GRIK2: variants seen among roughly 807,000 people sequenced by gnomAD.
The protein encoded by GRIK2 is glutamate ionotropic receptor kainate type subunit 2, also known as glutamate receptor ionotropic, kainate 2.
A neutral mutation model predicts 100.3 loss-of-function variants in GRIK2; 32 were observed. The observed-to-expected ratio is 0.32, with a 90% CI of 0.24 to 0.43. The LOEUF is 0.43. Ranked by LOEUF, GRIK2 falls within the 20% of genes least tolerant of loss-of-function variation. The probability of loss-of-function intolerance (pLI) is 1.00; values close to 1 mark genes in which losing one functional copy is unlikely to be tolerated. For synonymous variants in GRIK2, 417 were observed against 389.4 expected (o/e 1.07, Z -0.83); for missense variants, 843 against 1,114.9 (o/e 0.76, Z 3.47).
At chr6:101,610,280 A>G (rs563564250) in intron 2 of GRIK2, among the ~76,000 whole-genome samples, 2 of 151,816 alleles carry the variant, frequency 1.3e-5, no homozygotes, top group South Asian at 2.1e-4. Flanking sequence ...ATCAAATTAC[A>G]TATGTAGATT....
chr6:101,899,087 C>CTT (rs1308396421), intron 12 of GRIK2, among the ~76,000 whole-genome samples: 1 of 141,976 alleles, frequency 7.0e-6, no homozygotes, highest in Non-Finnish European at 1.6e-5. Flanking sequence ...AGAGAGGTTT[C>CTT]TTTTTGTTGT....
chr6:101,441,071 G>C (rs537589486), intron 2 of GRIK2, among the ~76,000 whole-genome samples: 27 of 151,190 alleles, frequency 1.8e-4, no homozygotes, highest in Admixed American at 7.2e-4. Context: ...TTGGTCTTCT[G>C]GGCTCAAGTG....
chr6:101,813,213 C>T (rs1176006495), intron 9 of GRIK2, among the ~76,000 whole-genome samples: 1 of 151,816 alleles, frequency 6.6e-6, no homozygotes, highest in African/African-American at 2.4e-5. Context: ...AATGATAATA[C>T]TGAAGACTTT....
At chr6:101,489,667 G>A (rs1289119146) in intron 2 of GRIK2, among the ~76,000 whole-genome samples, 1 of 145,710 alleles carries the variant, frequency 6.9e-6, no homozygotes, top group African/African-American at 2.6e-5. Context: ...GTTTATCCAG[G>A]CAAGTAGTGT....
intron 14 of GRIK2, among the ~76,000 whole-genome samples, chr6:101,996,937 A>G (rs1302639523): frequency 1.3e-5 from 2 of 152,150 alleles, no homozygotes; most frequent in Non-Finnish European, 2.9e-5. Flanking sequence ...AATTAAAAAT[A>G]TTACTTTCAG....
intron 9 of GRIK2, among the ~76,000 whole-genome samples, chr6:101,813,889 A>G (rs1248526402): frequency 2.0e-5 from 3 of 151,614 alleles, no homozygotes; most frequent in Non-Finnish European, 4.4e-5. Flanking sequence ...GCTTGAACCC[A>G]GGAAGTAGAG....
At chr6:101,434,984 T>C (rs1239711712) in intron 2 of GRIK2, among the ~76,000 whole-genome samples, 1 of 152,156 alleles carries the variant, frequency 6.6e-6, no homozygotes, top group Non-Finnish European at 1.5e-5. Context: ...CAGAGAGATT[T>C]AGGTTGCACA....
intron 12 of GRIK2, among the ~76,000 whole-genome samples, chr6:101,894,337 A>C (rs946467484): frequency 6.6e-6 from 1 of 151,744 alleles, no homozygotes; most frequent in Non-Finnish European, 1.5e-5. Flanking sequence ...GATCTCCTGT[A>C]AGCAGTTATA....
intron 2 of GRIK2, among the ~76,000 whole-genome samples, chr6:101,584,778 A>G (rs574917182): frequency 8.5e-5 from 13 of 152,128 alleles, no homozygotes; most frequent in Non-Finnish European, 1.8e-4. Context: ...GATAAGTGCA[A>G]TGAGGCATTC....
intron 7 of GRIK2, among the ~76,000 whole-genome samples, chr6:101,725,360 ATTGTAATT>A (rs771638712): frequency 6.6e-6 from 1 of 152,048 alleles, no homozygotes; most frequent in African/African-American, 2.4e-5. Flanking sequence ...AGTCCTCTCT[ATTGTAATT>A]TCTGAAGTAT....
At chr6:101,476,817 A>T (rs1251737673) in intron 2 of GRIK2, among the ~76,000 whole-genome samples, 1 of 152,170 alleles carries the variant, frequency 6.6e-6, no homozygotes, top group Non-Finnish European at 1.5e-5. Context: ...CAACCAAGTG[A>T]TGTCAAGCTA....
chr6:101,605,062 G>A (rs1212351833), intron 2 of GRIK2, among the ~76,000 whole-genome samples: 1 of 151,926 alleles, frequency 6.6e-6, no homozygotes, highest in Non-Finnish European at 1.5e-5. Flanking sequence ...TCCTATGACA[G>A]ATAAATTGTT....
At chr6:101,915,279 T>C (rs989748244) in intron 12 of GRIK2, among the ~76,000 whole-genome samples, 1 of 151,396 alleles carries the variant, frequency 6.6e-6, no homozygotes, top group African/African-American at 2.4e-5. Flanking sequence ...ATAACAACCA[T>C]TCTTATTGAA....
chr6:101,657,342 T>C (rs1244490228), intron 4 of GRIK2, among the ~76,000 whole-genome samples: 1 of 152,170 alleles, frequency 6.6e-6, no homozygotes, highest in Non-Finnish European at 1.5e-5. Flanking sequence ...ATGTAAGATG[T>C]GCCTCTTTTC....
At chr6:101,421,348 A>G (rs1020409940) in intron 2 of GRIK2, among the ~76,000 whole-genome samples, 4 of 152,218 alleles carry the variant, frequency 2.6e-5, no homozygotes, top group African/African-American at 9.6e-5. Context: ...GCATCGTAGA[A>G]GTTGGCTTAG....
chr6:101,565,921 ATATATATATATGTG>A (rs1225288717), intron 2 of GRIK2, among the ~76,000 whole-genome samples: 1,122 of 108,058 alleles, frequency 0.01, 25 homozygotes, highest in African/African-American at 0.026. Flanking sequence ...TATTTTATAT[ATATATATATATGTG>A]TATATATATA....
chr6:101,860,104 G>T (rs9498729), intron 11 of GRIK2, among the ~76,000 whole-genome samples: 107,306 of 151,850 alleles, frequency 0.71, 39,469 homozygotes, highest in East Asian at 0.92. Flanking sequence ...TACAGGGTTT[G>T]GTATGATCTT....
At position 101,583,792 on chromosome 6, in the gene GRIK2, G is replaced by A. The variant is rs114276086; in HGVS notation, c.116-38157G>A. ...TTCATTTCATTTGGTGCTTTTGTTT[G>A]ATGTTGTATGTCTTGTCCATGAAAG... On this transcript the variant is annotated intron_variant, in intron 2 of 16. Transcript: ENST00000369134. 4.0e-3 allele frequency among the ~76,000 whole-genome samples: 612 copies of A among 152,068 alleles called. 8 individuals are homozygous for A. The highest frequency in any genetic ancestry group is 0.014 in the African/African-American group (586 of 41,492).
At chr6:101,482,553 A>C (rs1263327658) in intron 2 of GRIK2, among the ~76,000 whole-genome samples, 2 of 152,218 alleles carry the variant, frequency 1.3e-5, no homozygotes, top group Non-Finnish European at 2.9e-5. Flanking sequence ...GATAGGATGC[A>C]GCCCTGTGTT....
Sources: allele counts gnomAD v4.1 joint callset (sites outside exome capture counted in the v4.1 genomes callset), GRCh38; gene constraint gnomAD v4.1.1; transcripts MANE v1.5; gene names NCBI Gene and HGNC (gene_info 2026-07-23, HGNC 2026-07-21).